The following THSD7B variants were observed in gnomAD, a reference collection of about 807,000 sequenced individuals.
The protein encoded by THSD7B is thrombospondin type-1 domain-containing protein 7B.
THSD7B carries 138 observed loss-of-function variants against 213.6 expected under a neutral mutation model. The ratio of observed to expected loss-of-function variants is 0.65; its 90% CI spans 0.56 to 0.74. The LOEUF is 0.74. Among genes scored for constraint, THSD7B ranks in the 30% least tolerant of loss-of-function variants. The probability of loss-of-function intolerance (pLI) is 0.00; values close to 1 mark genes in which losing one functional copy is unlikely to be tolerated. For synonymous variants in THSD7B, 742 were observed against 687.0 expected, an observed-to-expected ratio of 1.08 and a Z score of -1.25; for missense variants, 1,931 against 1,991.5, an observed-to-expected ratio of 0.97 and a Z score of 0.58.
chr2:137,570,517 C>T (rs1254886314), intron 16 of THSD7B, among the ~76,000 whole-genome samples: 1 of 151,950 alleles, frequency 6.6e-6, no homozygotes, highest in African/African-American at 2.4e-5. Context: ...ACCATGTTAG[C>T]GAGGATGGTC....
chr2:136,826,877 T>C (rs1682653537), intron 1 of THSD7B, among the ~76,000 whole-genome samples: 4 of 152,164 alleles, frequency 2.6e-5, no homozygotes, highest in African/African-American at 7.2e-5. Context: ...AGCAATAGCA[T>C]TGAGCATAAT....
intron 5 of THSD7B, among the ~76,000 whole-genome samples, chr2:137,144,025 A>G (rs1679642967): frequency 2.0e-5 from 3 of 151,956 alleles, no homozygotes; most frequent in African/African-American, 7.2e-5. Context: ...AACCAACTTG[A>G]CTCTACAGGT....
At chr2:136,808,287 A>G (rs115763945) in intron 1 of THSD7B, among the ~76,000 whole-genome samples, 9 of 152,372 alleles carry the variant, frequency 5.9e-5, no homozygotes, top group Non-Finnish European at 1.2e-4. Flanking sequence ...ACTTAGGCCA[A>G]CATCTCTTTT....
intron 5 of THSD7B, among the ~76,000 whole-genome samples, chr2:137,144,335 T>C (rs563107585): frequency 1.8e-4 from 27 of 152,232 alleles, no homozygotes; most frequent in African/African-American, 6.3e-4. Context: ...ACCAACTTTT[T>C]CCCTCTTTTA....
chr2:137,538,525 T>C (rs1298664906), intron 15 of THSD7B: 2 of 513,998 alleles, frequency 3.9e-6, no homozygotes, highest in Admixed American at 4.0e-5. Context: ...TGATCTTTAT[T>C]GTTTTTATTT....
At chr2:136,955,357 A>G (rs1685106738) in intron 2 of THSD7B, among the ~76,000 whole-genome samples, 1 of 152,232 alleles carries the variant, frequency 6.6e-6, no homozygotes, top group Non-Finnish European at 1.5e-5. Context: ...AATTTACAAA[A>G]TCACCTAGCT....
chr2:137,211,935 A>G (rs1185412217), intron 7 of THSD7B, among the ~76,000 whole-genome samples: 7 of 152,056 alleles, frequency 4.6e-5, no homozygotes, highest in Admixed American at 1.3e-4. Context: ...GATATATCTG[A>G]TATGTATCAT....
At chr2:137,339,659 T>G (rs1684715672) in intron 12 of THSD7B, among the ~76,000 whole-genome samples, 1 of 151,632 alleles carries the variant, frequency 6.6e-6, no homozygotes, top group African/African-American at 2.4e-5. Context: ...CATGTGACTC[T>G]AGAAGAAAGA....
At chr2:137,020,380 C>CT (rs1318980367) in intron 2 of THSD7B, among the ~76,000 whole-genome samples, 2 of 152,180 alleles carry the variant, frequency 1.3e-5, no homozygotes, top group Non-Finnish European at 2.9e-5. Flanking sequence ...CTATTGACTT[C>CT]TTTCCAGACC....
chr2:137,488,865 G>T (rs187217438), intron 15 of THSD7B, among the ~76,000 whole-genome samples: 54 of 152,272 alleles, frequency 3.5e-4, no homozygotes, highest in African/African-American at 1.2e-3. Context: ...GAGAGTATAT[G>T]ACTTTCCCAG....
chr2:137,125,329 T>C (rs115148201), intron 5 of THSD7B, among the ~76,000 whole-genome samples: 162 of 152,348 alleles, frequency 1.1e-3, no homozygotes, highest in African/African-American at 3.9e-3. Flanking sequence ...ACTAAGTTTA[T>C]GTGATATTCT....
Position 137,181,494 on chromosome 2 carries a change from G to A in THSD7B, c.1723+10556G>A, listed in dbSNP as rs78701868. ...AGGTAGAAATAAAAAGATGACAGAT[G>A]TTGGCCTAACATTAGAATACATGTT... is the stretch of plus-strand genomic sequence containing the variant. On this transcript the variant is annotated intron_variant, in intron 7 of 27. Coordinates refer to ENST00000409968, the MANE Select transcript of THSD7B (RefSeq NM_001316349.2). Among the ~76,000 whole-genome samples the A allele has an allele frequency of 4.0e-3, 604 of 152,284 alleles. 5 individuals are homozygous for A. Among genetic ancestry groups the A allele is most frequent in the Middle Eastern group, 0.014 (4 of 294 alleles).
chr2:136,902,932 C>T (rs1288983145), intron 2 of THSD7B, among the ~76,000 whole-genome samples: 1 of 152,198 alleles, frequency 6.6e-6, no homozygotes, highest in Non-Finnish European at 1.5e-5. Flanking sequence ...ACCAGTGTTA[C>T]AAGCTGGTCC....
At chr2:137,314,056 T>C (rs376757126) in intron 12 of THSD7B, among the ~76,000 whole-genome samples, 4 of 152,158 alleles carry the variant, frequency 2.6e-5, no homozygotes, top group Admixed American at 1.3e-4. Context: ...GTTGGCCTGC[T>C]TTGCTAGATT....
chr2:136,923,175 G>C (rs147552791), intron 2 of THSD7B, among the ~76,000 whole-genome samples: 2 of 152,070 alleles, frequency 1.3e-5, no homozygotes, highest in Non-Finnish European at 2.9e-5. Context: ...GATTTTGACC[G>C]CTTTAGCTAC....
rs1255939051 is a variant in THSD7B at position 136,821,307 on chromosome 2, G to T, written c.-36+55620G>T. Reference sequence around the variant, plus strand: ...GAAAATGTAAAGTTGCCAATTAGTGGCTTCTCAGTCCCTCCTGATAATTTT... The same window carrying T: ...GAAAATGTAAAGTTGCCAATTAGTGTCTTCTCAGTCCCTCCTGATAATTTT... On this transcript the variant is annotated intron_variant, in intron 1 of 27. Transcript: ENST00000409968. Among the ~76,000 whole-genome samples, 8 of 152,264 alleles carry T rather than the reference G, an allele frequency of 5.3e-5. No homozygotes were observed. The East Asian group carries it at 1.5e-3, about 29-fold the overall frequency.
chr2:137,100,217 GT>G (rs1688123923), intron 4 of THSD7B, among the ~76,000 whole-genome samples: 1 of 152,112 alleles, frequency 6.6e-6, no homozygotes, highest in Non-Finnish European at 1.5e-5. Flanking sequence ...TGGCGTGGTT[GT>G]TCACCTCCTT....
At chr2:136,824,033 T>G (rs1345273104) in intron 1 of THSD7B, among the ~76,000 whole-genome samples, 1 of 152,124 alleles carries the variant, frequency 6.6e-6, no homozygotes, top group East Asian at 1.9e-4. Context: ...TCTTTATTAA[T>G]CCTCACAACA....
chr2:137,072,798 G>A lies in THSD7B; in HGVS notation c.950+15568G>A, dbSNP rs1175890095. 1.3e-5 allele frequency among the ~76,000 whole-genome samples: 2 copies of A among 152,186 alleles called. 1 individual carries two copies. The highest frequency in any genetic ancestry group is 4.8e-5 in the African/African-American group (2 of 41,434). On this transcript the variant is annotated intron_variant, in intron 3 of 27. Transcript: ENST00000409968. ...GCCCCATCAATACCTAATTTATTGA[G>A]AGTTTTTAGCATGAAGCGTTGTTGA...
Sources: allele counts gnomAD v4.1 joint callset (sites outside exome capture counted in the v4.1 genomes callset), GRCh38; gene constraint gnomAD v4.1.1; transcripts MANE v1.5; gene names NCBI Gene and HGNC (gene_info 2026-07-23, HGNC 2026-07-21).